Variants in SHISA9 observed in about 807,000 individuals in gnomAD.
SHISA9 encodes the protein protein shisa-9.
In SHISA9, 13 loss-of-function variants were observed where a neutral mutation model predicts 38.0. That is an observed-to-expected ratio of 0.34 (90% CI 0.22 to 0.54). The LOEUF (loss-of-function observed/expected upper bound fraction) is 0.54. SHISA9 is among the 20% of genes least tolerant of loss of function. The pLI is 0.91. For synonymous variants in SHISA9, 275 were observed against 242.0 expected, an observed-to-expected ratio of 1.14 and a Z score of -1.27; for missense variants, 538 against 575.8, an observed-to-expected ratio of 0.93 and a Z score of 0.67.
rs548049165 is a variant in SHISA9, at chr16:12,910,841, G to A, written c.564-5847G>A. 4.7e-4 allele frequency: 270 copies of A among 574,762 alleles called. No individual in the cohort carries two copies. The African/African-American group carries it at 4.9e-3, about 10-fold the overall frequency. 35.6% of individuals were successfully genotyped at this position (574,762 alleles called of 1,614,324 possible). A position where few individuals can be genotyped will look rare whatever the true frequency, so the allele number is the denominator to read the frequency against. Reference sequence around the variant, plus strand: ...CTGTACTTGTACAAGTCTGAAGGCCGACAGGCAGGAGAATTCTCTCTTTTT... The same window carrying A: ...CTGTACTTGTACAAGTCTGAAGGCCAACAGGCAGGAGAATTCTCTCTTTTT... On this transcript the variant is annotated intron_variant, in intron 1 of 4. Coordinates refer to ENST00000558583, the MANE Select transcript of SHISA9 (RefSeq NM_001145204.3).
At chr16:13,113,799 C>G (rs1419143994) in intron 2 of SHISA9, among the ~76,000 whole-genome samples, 3 of 152,136 alleles carry the variant, frequency 2.0e-5, no homozygotes, top group African/African-American at 7.2e-5. Flanking sequence ...GAAAAAGGTC[C>G]AGGCCTGTAT....
At chr16:13,276,275 TC>T in the SHISA9 span, among the ~76,000 whole-genome samples, 2 of 151,804 alleles carry the variant, frequency 1.3e-5, no homozygotes, top group Admixed American at 6.6e-5. Context: ...TAGTATTCCA[TC>T]ATATATATAT....
downstream of SHISA9, among the ~76,000 whole-genome samples, chr16:13,241,647 G>T (rs1175088044): frequency 1.3e-5 from 2 of 152,202 alleles, no homozygotes; most frequent in Non-Finnish European, 2.9e-5. Context: ...CAGAGATCTG[G>T]GGTCCCTGGG....
the SHISA9 span, among the ~76,000 whole-genome samples, chr16:13,363,376 A>G: frequency 6.6e-6 from 1 of 152,200 alleles, no homozygotes; most frequent in South Asian, 2.1e-4. Context: ...AATGACCGGC[A>G]CCTAAGGCAA....
chr16:13,493,666 A>G, the SHISA9 span, among the ~76,000 whole-genome samples: 1 of 151,768 alleles, frequency 6.6e-6, no homozygotes, highest in South Asian at 2.1e-4. Flanking sequence ...AAGAGAAAAC[A>G]GTGGATGCTT....
intron 2 of SHISA9, among the ~76,000 whole-genome samples, chr16:13,105,796 A>G (rs182509682): frequency 2.0e-5 from 3 of 152,304 alleles, no homozygotes; most frequent in Admixed American, 2.0e-4. Context: ...TGGGCTTATT[A>G]AAAACTTGGC....
At chr16:12,914,951 C>T (rs963110398) in intron 1 of SHISA9, among the ~76,000 whole-genome samples, 6 of 152,144 alleles carry the variant, frequency 3.9e-5, no homozygotes, top group African/African-American at 1.4e-4. Context: ...TGCTGTAGTA[C>T]GGTAAGTTCC....
chr16:12,928,642 C>G (rs2071424456), intron 2 of SHISA9, among the ~76,000 whole-genome samples: 1 of 152,084 alleles, frequency 6.6e-6, no homozygotes, highest in Non-Finnish European at 1.5e-5. Flanking sequence ...CAAAGGAAGC[C>G]CTTTGAAATA....
chr16:13,012,344 T>C (rs924725871), intron 2 of SHISA9, among the ~76,000 whole-genome samples: 1 of 151,990 alleles, frequency 6.6e-6, no homozygotes, highest in African/African-American at 2.4e-5. Flanking sequence ...GAGAATGGAA[T>C]AATGAGGAGG....
chr16:13,060,823 G>C (rs1256392485), intron 2 of SHISA9, among the ~76,000 whole-genome samples: 1 of 152,156 alleles, frequency 6.6e-6, no homozygotes, highest in Non-Finnish European at 1.5e-5. Context: ...GCTGGCGTGG[G>C]AGTTGGAAGT....
chr16:12,983,491 G>A (rs1374261706), intron 2 of SHISA9, among the ~76,000 whole-genome samples: 1 of 152,132 alleles, frequency 6.6e-6, no homozygotes, highest in Non-Finnish European at 1.5e-5. Flanking sequence ...AGCAGAGAGT[G>A]GTTTTGGGTT....
chr16:12,909,709 C>G (rs2071154649), intron 1 of SHISA9: 1 of 434,484 alleles, frequency 2.3e-6, no homozygotes, highest in Non-Finnish European at 3.1e-6. Context: ...CAGCCTGACA[C>G]ACTCCAGCCC....
the SHISA9 span, among the ~76,000 whole-genome samples, chr16:13,446,289 A>T: frequency 6.6e-6 from 1 of 152,096 alleles, no homozygotes; most frequent in Non-Finnish European, 1.5e-5. Context: ...TATTATTTAT[A>T]TTAACTAGGA....
At chr16:13,254,034 G>A in the SHISA9 span, among the ~76,000 whole-genome samples, 4 of 152,108 alleles carry the variant, frequency 2.6e-5, no homozygotes, top group Non-Finnish European at 5.9e-5. Context: ...GCACACTTCA[G>A]TGGTAGTTTT....
chr16:13,032,681 TTC>T (rs1374214363), intron 2 of SHISA9, among the ~76,000 whole-genome samples: 1 of 152,224 alleles, frequency 6.6e-6, no homozygotes, highest in African/African-American at 2.4e-5. Context: ...TCTCATCTAC[TTC>T]TTTCTATTAC....
At chr16:13,285,385 C>T in the SHISA9 span, among the ~76,000 whole-genome samples, 1 of 148,460 alleles carries the variant, frequency 6.7e-6, no homozygotes, top group East Asian at 2.0e-4. Flanking sequence ...GGGAGTAATT[C>T]TTCTGCCCAA....
At chr16:13,274,175 A>G in the SHISA9 span, among the ~76,000 whole-genome samples, 2 of 152,116 alleles carry the variant, frequency 1.3e-5, no homozygotes, top group Non-Finnish European at 2.9e-5. Context: ...TCTGTCCATC[A>G]TTTACTGCAC....
intron 2 of SHISA9, among the ~76,000 whole-genome samples, chr16:13,106,902 A>G (rs1329477130): frequency 1.3e-5 from 2 of 151,964 alleles, no homozygotes; most frequent in Non-Finnish European, 2.9e-5. Context: ...GAGAGTTCTG[A>G]TCATATTGTT....
At chr16:13,322,914 T>G in the SHISA9 span, among the ~76,000 whole-genome samples, 1 of 152,188 alleles carries the variant, frequency 6.6e-6, no homozygotes, top group Non-Finnish European at 1.5e-5. Flanking sequence ...CTACCAGTCA[T>G]ACTGTGTCTG....
Sources: gnomAD v4.1 joint callset for allele counts (sites outside exome capture counted in the v4.1 genomes callset) on GRCh38, gnomAD v4.1.1 for gene constraint, MANE v1.5 for transcripts, NCBI Gene and HGNC (gene_info 2026-07-23, HGNC 2026-07-21) for gene names.